CPLANE1: variants seen among roughly 807,000 people sequenced by gnomAD.
The protein encoded by CPLANE1 is ciliogenesis and planar polarity effector complex subunit 1, also known as ciliogenesis and planar polarity effector 1.
Under a neutral mutation model 362.5 loss-of-function variants are expected in CPLANE1, and 263 were observed. The ratio of observed to expected loss-of-function variants is 0.73; its 90% confidence interval spans 0.66 to 0.80. CPLANE1 has a LOEUF of 0.80. Among genes scored for constraint, CPLANE1 ranks in the 30% least tolerant of loss-of-function variants. The pLI is 0.00. For synonymous variants in CPLANE1, 1,212 were observed against 1,302.6 expected (o/e 0.93, Z 1.50); for missense variants, 3,461 against 3,793.4 (o/e 0.91, Z 2.30).
intron 5 of CPLANE1, among the ~76,000 whole-genome samples, chr5:37,243,386 TA>T (rs1358031799): frequency 2.6e-5 from 4 of 152,000 alleles, no homozygotes; most frequent in Non-Finnish European, 4.4e-5. Context: ...CTTACATATT[TA>T]TTTTTCTCTT....
the CPLANE1 span, among the ~76,000 whole-genome samples, chr5:37,092,886 CA>C: frequency 6.6e-6 from 1 of 152,150 alleles, no homozygotes; most frequent in African/African-American, 2.4e-5. Context: ...TATTTCACCC[CA>C]AAACTCCACA....
At chr5:37,210,111 G>C in intron 16 of CPLANE1, 1 of 867,362 alleles carries the variant, frequency 1.2e-6, no homozygotes, top group Non-Finnish European at 1.9e-6. Flanking sequence ...GAATGATTTT[G>C]AGAAAGCTTG....
chr5:37,163,562 G>A (rs1388261885), intron 37 of CPLANE1, among the ~76,000 whole-genome samples: 1 of 152,136 alleles, frequency 6.6e-6, no homozygotes, highest in African/African-American at 2.4e-5. Flanking sequence ...GAATAAGAAA[G>A]TATTAATTAT....
At chr5:37,248,190 C>A (rs902144566) in intron 1 of CPLANE1, among the ~76,000 whole-genome samples, 2 of 140,872 alleles carry the variant, frequency 1.4e-5, no homozygotes, top group African/African-American at 2.6e-5. Flanking sequence ...TGCAGTGGCG[C>A]GATCTCGGCT....
chr5:37,108,225 CA>C (rs1479046479), intron 52 of CPLANE1, 67 bp downstream of exon 52: 1 of 1,446,966 alleles, frequency 6.9e-7, no homozygotes, highest in African/African-American at 1.4e-5. Flanking sequence ...AACAAACAAA[CA>C]AACAAACAAA....
chr5:37,184,852 C>T lies in CPLANE1; in HGVS notation c.4417G>A (p.Asp1473Asn), dbSNP rs1783564156. ...TELGDSVVHS[D>N]ADTFSEALSV... Reference sequence around the variant, plus strand: ...AAAGCTTCAGAGAACGTATCTGCATCACTGTGAACCACAGAATCTCCTAGT... The same window carrying T: ...AAAGCTTCAGAGAACGTATCTGCATTACTGTGAACCACAGAATCTCCTAGT... The change falls in exon 25 of 53, where the codon GAT (aspartate) becomes AAT (asparagine). Residue 1473 changes from aspartate to asparagine, a missense_variant. Transcript: ENST00000651892. 2 of 1,613,908 alleles carry T rather than the reference C, an allele frequency of 1.2e-6. No individual in the cohort carries two copies. Among genetic ancestry groups the T allele is most frequent in the Non-Finnish European group, 1.7e-6 (2 of 1,179,948 alleles).
chr5:37,185,336 C>T (rs1783697828), intron 24 of CPLANE1, among the ~76,000 whole-genome samples: 1 of 150,896 alleles, frequency 6.6e-6, no homozygotes, highest in South Asian at 2.1e-4. Context: ...AAAAAGTATG[C>T]CCTGGAAAAA....
intron 9 of CPLANE1, among the ~76,000 whole-genome samples, chr5:37,230,326 C>T (rs1025707824): frequency 1.5e-4 from 23 of 151,560 alleles, no homozygotes; most frequent in African/African-American, 5.1e-4. Context: ...TACTTCATCT[C>T]ACAAGTAAAA....
At chr5:37,225,999 A>C (rs1420675194) in intron 12 of CPLANE1, among the ~76,000 whole-genome samples, 1 of 152,102 alleles carries the variant, frequency 6.6e-6, no homozygotes, top group East Asian at 1.9e-4. Context: ...TGGCAAACTA[A>C]AAGTGTATAC....
intron 18 of CPLANE1, among the ~76,000 whole-genome samples, chr5:37,203,451 G>A (rs959610731): frequency 1.3e-5 from 2 of 152,142 alleles, no homozygotes; most frequent in African/African-American, 4.8e-5. Context: ...ACGGACATTT[G>A]AGGTGTTTCC....
At chr5:37,234,249 C>A (rs970982412) in intron 8 of CPLANE1, among the ~76,000 whole-genome samples, 9 of 151,782 alleles carry the variant, frequency 5.9e-5, no homozygotes, top group South Asian at 2.1e-4. Context: ...AAAAATAATT[C>A]CCCCAAAATG....
chr5:37,135,620 G>C (rs1167123410), intron 46 of CPLANE1, among the ~76,000 whole-genome samples: 1 of 152,114 alleles, frequency 6.6e-6, no homozygotes, highest in East Asian at 1.9e-4. Context: ...GGATCACAAG[G>C]TCAGCAGATT....
At chr5:37,211,515 C>T (rs1792587640) in intron 16 of CPLANE1, 1 of 1,328,298 alleles carries the variant, frequency 7.5e-7, no homozygotes, top group African/African-American at 1.5e-5. Flanking sequence ...CTTGGAAGCC[C>T]TGACAGGCAG....
intron 38 of CPLANE1, among the ~76,000 whole-genome samples, chr5:37,158,554 A>G (rs764913294): frequency 6.6e-6 from 1 of 152,190 alleles, no homozygotes; most frequent in Non-Finnish European, 1.5e-5. Context: ...TAAGCTGACT[A>G]TTGTTTCTCT....
chr5:37,211,289 G>A (rs1008588887), intron 16 of CPLANE1: 11 of 1,508,004 alleles, frequency 7.3e-6, no homozygotes, highest in East Asian at 6.8e-5. Context: ...AGCAAGAGGC[G>A]GAACGCTTGG....
At chr5:37,223,271 G>A (rs760066340) in intron 14 of CPLANE1, among the ~76,000 whole-genome samples, 1 of 152,102 alleles carries the variant, frequency 6.6e-6, no homozygotes, top group Non-Finnish European at 1.5e-5. Flanking sequence ...AATTTTAAAT[G>A]TCAACTCCAA....
chr5:37,082,822 T>G, the CPLANE1 span, among the ~76,000 whole-genome samples: 49 of 151,200 alleles, frequency 3.2e-4, no homozygotes, highest in African/African-American at 1.1e-3. Flanking sequence ...AAATAGACAT[T>G]AAGTCAAAAA....
At position 37,164,269 on chromosome 5, in the gene CPLANE1, A is replaced by G. The variant is rs1399270814; in HGVS notation, c.7588+4T>C. 1 of 1,607,892 alleles carries G rather than the reference A, an allele frequency of 6.2e-7. No homozygotes were observed. The highest frequency in any genetic ancestry group is 8.5e-7 in the Non-Finnish European group (1 of 1,174,484). On this transcript the variant is annotated splice_donor_region_variant and intron_variant, in intron 37 of 52. Coordinates refer to ENST00000651892, the MANE Select transcript of CPLANE1 (RefSeq NM_001384732.1). The stretch of plus-strand genomic sequence containing the variant: ...GACATTACATTAATCATACACATAC[A>G]TACCAAAAGGAACGTCGAAGTCATC...
rs767243186 is a variant in CPLANE1, at chr5:37,120,347, T to A, written c.9186-7A>T. 6.4e-7 allele frequency: 1 copy of A among 1,553,628 alleles called. No homozygotes were observed. Among genetic ancestry groups the A allele is most frequent in the Non-Finnish European group, 8.6e-7 (1 of 1,157,756 alleles). Reference sequence around the variant, plus strand: ...GTGACCATGTTGATTCTCTCTATAGTAGAAATCACATAATTATTACATTCC... The same window carrying A: ...GTGACCATGTTGATTCTCTCTATAGAAGAAATCACATAATTATTACATTCC... On this transcript the variant is annotated splice_region_variant and splice_polypyrimidine_tract_variant and intron_variant, in intron 49 of 52. Coordinates refer to ENST00000651892, the MANE Select transcript of CPLANE1 (RefSeq NM_001384732.1).
Sources: gnomAD v4.1 joint callset for allele counts (sites outside exome capture counted in the v4.1 genomes callset) on GRCh38, gnomAD v4.1.1 for gene constraint, MANE v1.5 for transcripts, NCBI Gene and HGNC (gene_info 2026-07-23, HGNC 2026-07-21) for gene names.